Variants in SGCZ observed in about 807,000 individuals in gnomAD.
SGCZ encodes the protein zeta-sarcoglycan.
Under a neutral mutation model 41.3 loss-of-function variants are expected in SGCZ, and 40 were observed. The observed-to-expected ratio is 0.97, with a 90% CI of 0.75 to 1.26. SGCZ has a LOEUF of 1.26. Ranked by LOEUF, SGCZ falls within the 50% of genes most tolerant of loss-of-function variation. The pLI is 0.00. For synonymous variants in SGCZ, 206 were observed against 137.5 expected (o/e 1.50, Z -3.49); for missense variants, 552 against 369.8 (o/e 1.49, Z -4.04).
chr8:14,577,980 G>A (rs995559583), intron 1 of SGCZ, among the ~76,000 whole-genome samples: 1 of 152,148 alleles, frequency 6.6e-6, no homozygotes, highest in African/African-American at 2.4e-5. Context: ...AGCTTGATAT[G>A]CACTGCAATT....
At chr8:14,740,835 G>C (rs752742996) in intron 1 of SGCZ, among the ~76,000 whole-genome samples, 1 of 151,902 alleles carries the variant, frequency 6.6e-6, no homozygotes, top group Non-Finnish European at 1.5e-5. Context: ...TAGATGTAAG[G>C]GCAAACACCA....
chr8:14,967,970 A>G (rs1444488867), intron 1 of SGCZ, among the ~76,000 whole-genome samples: 1 of 152,174 alleles, frequency 6.6e-6, no homozygotes, highest in Non-Finnish European at 1.5e-5. Flanking sequence ...TTCAGTAAAC[A>G]TTTGTTTTAA....
chr8:14,414,175 T>A (rs28554777), intron 2 of SGCZ, among the ~76,000 whole-genome samples: 3,359 of 151,900 alleles, frequency 0.022, 95 homozygotes, highest in African/African-American at 0.061. Context: ...AACACAGAAA[T>A]GAACGCACAC....
At chr8:14,907,620 T>C (rs1246359629) in intron 1 of SGCZ, among the ~76,000 whole-genome samples, 2 of 152,110 alleles carry the variant, frequency 1.3e-5, no homozygotes, top group Non-Finnish European at 2.9e-5. Context: ...GGTAGGAGTG[T>C]TGCTTGAGGC....
At chr8:14,736,409 C>G (rs1008082276) in intron 1 of SGCZ, among the ~76,000 whole-genome samples, 6 of 152,078 alleles carry the variant, frequency 3.9e-5, no homozygotes, top group Non-Finnish European at 7.4e-5. Context: ...TGAAAGAAAG[C>G]ATTTGTTTCC....
At chr8:15,032,140 C>T (rs1803695406) in intron 1 of SGCZ, among the ~76,000 whole-genome samples, 1 of 152,072 alleles carries the variant, frequency 6.6e-6, no homozygotes, top group East Asian at 1.9e-4. Flanking sequence ...GTATTGTCTT[C>T]AGACATCAGT....
intron 1 of SGCZ, among the ~76,000 whole-genome samples, chr8:14,784,608 T>C (rs1459651070): frequency 1.3e-5 from 2 of 151,940 alleles, no homozygotes; most frequent in South Asian, 4.1e-4. Flanking sequence ...AAGATGCATG[T>C]AGATAATTGC....
intron 3 of SGCZ, among the ~76,000 whole-genome samples, chr8:14,261,177 C>A (rs112089174): frequency 9.2e-5 from 14 of 152,232 alleles, no homozygotes; most frequent in African/African-American, 2.6e-4. Flanking sequence ...GGATATCTTG[C>A]CCAAGTAAAA....
chr8:14,158,569 A>G (rs529626408), intron 5 of SGCZ, among the ~76,000 whole-genome samples: 1 of 152,252 alleles, frequency 6.6e-6, no homozygotes, highest in South Asian at 2.1e-4. Context: ...TCAAGTTGAC[A>G]ATATTCACTA....
chr8:14,483,862 A>C (rs1392852709), intron 2 of SGCZ, among the ~76,000 whole-genome samples: 4 of 152,200 alleles, frequency 2.6e-5, no homozygotes, highest in African/African-American at 4.8e-5. Flanking sequence ...TTTTGATTAT[A>C]CAAGCAATCT....
At chr8:14,398,512 C>T (rs555379313) in intron 2 of SGCZ, among the ~76,000 whole-genome samples, 1 of 152,118 alleles carries the variant, frequency 6.6e-6, no homozygotes, top group Non-Finnish European at 1.5e-5. Context: ...AATAAAGAAG[C>T]TGAGGCAAAA....
At chr8:14,851,259 C>T (rs1468111848) in intron 1 of SGCZ, among the ~76,000 whole-genome samples, 1 of 145,586 alleles carries the variant, frequency 6.9e-6, no homozygotes, top group Non-Finnish European at 1.5e-5. Context: ...GTCCCTGCTA[C>T]TTGGGAGGCT....
At chr8:15,068,950 T>C (rs898401810) in intron 1 of SGCZ, among the ~76,000 whole-genome samples, 6 of 152,168 alleles carry the variant, frequency 3.9e-5, no homozygotes, top group Non-Finnish European at 5.9e-5. Flanking sequence ...TTTTCTGTTT[T>C]ACATTTATTC....
chr8:14,279,744 T>C (rs1039450221), intron 3 of SGCZ, among the ~76,000 whole-genome samples: 1 of 152,012 alleles, frequency 6.6e-6, no homozygotes, highest in Non-Finnish European at 1.5e-5. Context: ...AAAAAGTAGA[T>C]TCACAGCCTC....
chr8:14,830,344 G>C lies in SGCZ; in HGVS notation c.40-275418C>G, dbSNP rs147820702. On this transcript the variant is annotated intron_variant, in intron 1 of 7. Transcript: ENST00000382080. ...AGCTAACTACATGTTGATCACAGAA[G>C]TACTCTGTATGACATCAATTTGTTA... Among the ~76,000 whole-genome samples the C allele has an allele frequency of 3.9e-5, 6 of 151,966 alleles. No homozygotes were observed. The East Asian group carries it at 1.2e-3, about 29-fold the overall frequency.
intron 1 of SGCZ, among the ~76,000 whole-genome samples, chr8:14,820,421 G>A (rs1802039946): frequency 6.6e-6 from 1 of 151,952 alleles, no homozygotes; most frequent in Non-Finnish European, 1.5e-5. Flanking sequence ...TAGGACTTGA[G>A]TTCCCCACTT....
intron 1 of SGCZ, among the ~76,000 whole-genome samples, chr8:14,674,470 C>G (rs912108409): frequency 2.0e-4 from 30 of 152,152 alleles, no homozygotes; most frequent in Admixed American, 1.8e-3. Flanking sequence ...ATCTTTAGTT[C>G]CTGATAGTAT....
chr8:14,633,780 A>T (rs1806736091), intron 1 of SGCZ, among the ~76,000 whole-genome samples: 1 of 151,978 alleles, frequency 6.6e-6, no homozygotes, highest in Non-Finnish European at 1.5e-5. Context: ...CATTAATAAT[A>T]AAAGACCTGA....
At chr8:14,874,101 T>C (rs995619036) in intron 1 of SGCZ, among the ~76,000 whole-genome samples, 3 of 152,156 alleles carry the variant, frequency 2.0e-5, no homozygotes, top group African/African-American at 7.2e-5. Context: ...CACAAACTTA[T>C]ACTTTAATTG....
Sources: allele counts gnomAD v4.1 joint callset (sites outside exome capture counted in the v4.1 genomes callset), GRCh38; gene constraint gnomAD v4.1.1; transcripts MANE v1.5; gene names NCBI Gene and HGNC (gene_info 2026-07-23, HGNC 2026-07-21).